The following SH2B3 variants were observed in gnomAD, a reference collection of about 807,000 sequenced individuals.
The protein encoded by SH2B3 is SH2B adapter protein 3.
SH2B3 carries 43 observed loss-of-function variants against 51.9 expected under a neutral mutation model. That is an observed-to-expected ratio of 0.83 (90% CI 0.65 to 1.07). The LOEUF is 1.07. SH2B3 is among the 50% of genes least tolerant of loss of function. The pLI, the probability that SH2B3 is intolerant of heterozygous loss-of-function variation, is 0.00. For synonymous variants in SH2B3, 396 were observed against 376.0 expected, an observed-to-expected ratio of 1.05 and a Z score of -0.62; for missense variants, 952 against 834.3, an observed-to-expected ratio of 1.14 and a Z score of -1.74.
Position 111,447,517 on chromosome 12 carries a change from CACTTTCA to C in SH2B3, c.1217_1223del (p.Asn406ArgfsTer3). Reference sequence around the variant, plus strand: ...AGACGCGGCGTGGGGAATACGTGCTCACTTTCAACTTTCAGGGGATAGCCAAGGTATG... The same window carrying C: ...AGACGCGGCGTGGGGAATACGTGCTCACTTTCAGGGGATAGCCAAGGTATG... On this transcript the variant is annotated frameshift_variant, in exon 6 of 8. Coordinates refer to ENST00000341259, the MANE Select transcript of SH2B3 (RefSeq NM_005475.3). LOFTEE classifies it high-confidence loss of function. 7.0e-7 allele frequency: 1 copy of C among 1,420,668 alleles called. No individual in the cohort carries two copies. The highest frequency in any genetic ancestry group is 9.4e-7 in the Non-Finnish European group (1 of 1,060,502). 88.0% of individuals were successfully genotyped at this position (1,420,668 alleles called of 1,614,324 possible).
Position 111,435,004 on chromosome 12 carries a change from C to G in SH2B3, c.733-11749C>G, listed in dbSNP as rs1007122478. ...CCAGAAGCCCTTGCTCTCACCTCTT[C>G]TTCTGAATCATCGTTCTTCGAAGGC... On this transcript the variant is annotated intron_variant, in intron 2 of 7. Coordinates refer to ENST00000341259, the MANE Select transcript of SH2B3 (RefSeq NM_005475.3). This position sits in a 1 kb window ranked among gnomAD's most constrained non-coding sequence, Gnocchi z 4.8. 1 of 1,535,406 alleles carries G rather than the reference C, an allele frequency of 6.5e-7. No homozygotes were observed. Among genetic ancestry groups the G allele is most frequent in the South Asian group, 1.2e-5 (1 of 84,050 alleles).
At position 111,449,025 on chromosome 12, in the gene SH2B3, G is replaced by A. The variant is rs906878972; in HGVS notation, c.*723G>A. On this transcript the variant is annotated 3_prime_UTR_variant, in exon 8 of 8. Coordinates refer to ENST00000341259, the MANE Select transcript of SH2B3 (RefSeq NM_005475.3). ...ATTTACAGTCTGAGCCAGCATGCTG[G>A]CTTGTCTACTGCATCCTCGGGACAG... 3 of 152,654 alleles carry A rather than the reference G, an allele frequency of 2.0e-5. No individual in the cohort carries two copies. The highest frequency in any genetic ancestry group is 6.5e-5 in the Admixed American group (1 of 15,274). 9.5% of individuals were successfully genotyped at this position (152,654 alleles called of 1,614,324 possible). A position where few individuals can be genotyped will look rare whatever the true frequency, so the allele number is the denominator to read the frequency against.
intron 1 of SH2B3, among the ~76,000 whole-genome samples, chr12:111,416,815 A>G (rs911547535): frequency 2.6e-5 from 4 of 152,300 alleles, no homozygotes; most frequent in African/African-American, 9.6e-5. Flanking sequence ...TTGAACCCAC[A>G]TTCCAGAATC....
Position 111,447,158 on chromosome 12 carries a change from C to T in SH2B3, c.960C>T (p.Pro320=). The change falls in exon 5 of 8, where the codon CCC becomes CCT. Residue 320 remains proline, a synonymous_variant. Transcript: ENST00000341259. The part of the protein sequence containing the change: ...LESTEAEMHI[P]SALEPSTSSS... Reference sequence around the variant, plus strand: ...GCACAGAAGCAGAGATGCATATTCCCTCAGCCCTAGAGCCTAGCACGTCCA... The same window carrying T: ...GCACAGAAGCAGAGATGCATATTCCTTCAGCCCTAGAGCCTAGCACGTCCA... The T allele has an allele frequency of 6.2e-7, 1 of 1,614,106 alleles. No individual in the cohort carries two copies. Among genetic ancestry groups the T allele is most frequent in the Non-Finnish European group, 8.5e-7 (1 of 1,179,946 alleles).
Position 111,434,488 on chromosome 12 carries a change from C to T in SH2B3, c.733-12265C>T, listed in dbSNP as rs569011494. Among the ~76,000 whole-genome samples the T allele has an allele frequency of 2.1e-4, 32 of 152,314 alleles. No homozygotes were observed. The South Asian group carries it at 5.0e-3, about 24-fold the overall frequency. On this transcript the variant is annotated intron_variant, in intron 2 of 7. Transcript: ENST00000341259. ...CTTGATTTGTGAACACTACACGGCACGGATATTAGCTCTGTCCCATGTTGC... is the reference window on the plus strand; with the variant it reads ...CTTGATTTGTGAACACTACACGGCATGGATATTAGCTCTGTCCCATGTTGC...
chr12:111,437,873 G>A (rs757986290), intron 2 of SH2B3, among the ~76,000 whole-genome samples: 8 of 152,142 alleles, frequency 5.3e-5, no homozygotes, highest in South Asian at 2.1e-4. Context: ...CCATCCACCC[G>A]GCAAACCCTC....
chr12:111,433,908 T>G (rs1186243838), intron 2 of SH2B3, among the ~76,000 whole-genome samples: 1 of 152,110 alleles, frequency 6.6e-6, no homozygotes, highest in African/African-American at 2.4e-5. Context: ...GCTACCGGGT[T>G]TAGCCTCAGT....
Position 111,447,660 on chromosome 12 carries a change from T to C in SH2B3, c.1241T>C (p.Leu414Pro), listed in dbSNP as rs2135620953. ...CACCATCCTCTCCTCCCACAGCACCTGCGCCTGTCGCTGACAGAGCGGGGC... is the reference window on the plus strand; with the variant it reads ...CACCATCCTCTCCTCCCACAGCACCCGCGCCTGTCGCTGACAGAGCGGGGC... ...TFNFQGIAKH[L>P]RLSLTERGQC... The change falls in exon 7 of 8, where the codon CTG becomes CCG. Residue 414 changes from leucine to proline, a missense_variant. Leu to Pro is a moderately conservative substitution (Grantham distance 98, BLOSUM62 -3). Transcript: ENST00000341259. 1.2e-6 allele frequency: 2 copies of C among 1,611,730 alleles called. No homozygotes were observed. Among genetic ancestry groups the C allele is most frequent in the Non-Finnish European group, 1.7e-6 (2 of 1,178,442 alleles).
At chr12:111,424,620 C>T (rs926081837) in intron 2 of SH2B3, among the ~76,000 whole-genome samples, 2 of 152,032 alleles carry the variant, frequency 1.3e-5, no homozygotes, top group African/African-American at 4.8e-5. Flanking sequence ...GTGGTTGCTG[C>T]GGGGCCTGGG....
At chr12:111,408,084 A>G (rs576916462) in intron 1 of SH2B3, among the ~76,000 whole-genome samples, 2 of 152,268 alleles carry the variant, frequency 1.3e-5, no homozygotes, top group South Asian at 4.1e-4. Flanking sequence ...ATTGGCTATG[A>G]GGTGTTCCTT....
intron 2 of SH2B3, among the ~76,000 whole-genome samples, chr12:111,430,223 C>T (rs1354943917): frequency 6.6e-6 from 1 of 152,214 alleles, no homozygotes; most frequent in Non-Finnish European, 1.5e-5. Context: ...CCTGCGGCCC[C>T]AGCCACACAC....
intron 1 of SH2B3, among the ~76,000 whole-genome samples, chr12:111,408,938 AT>A (rs1405691122): frequency 6.6e-6 from 1 of 152,228 alleles, no homozygotes; most frequent in East Asian, 1.9e-4. Context: ...CTGGCACTCA[AT>A]TAACAATAGT....
chr12:111,431,705 C>T (rs961737835), intron 2 of SH2B3, among the ~76,000 whole-genome samples: 4 of 152,152 alleles, frequency 2.6e-5, no homozygotes, highest in African/African-American at 9.7e-5. Flanking sequence ...ACCTTAGCCT[C>T]CCAAGTAGCT....
rs1014991367 is a variant in SH2B3 at position 111,418,438 on chromosome 12, C to A, written c.293C>A (p.Ala98Asp). 1.3e-5 allele frequency: 19 copies of A among 1,445,820 alleles called. No homozygotes were observed. In the Middle Eastern group the frequency reaches 1.2e-3, roughly 93 times the overall value. The allele number at this position is 1,445,820 out of a possible 1,614,324, so 89.6% of individuals were successfully genotyped here. Residue 98 changes from alanine (A) to aspartate (D), a missense_variant, in exon 2 of 8, where the codon GCC (alanine) becomes GAC (aspartate). By Grantham distance (126) the Ala-to-Asp change is moderately radical. Transcript: ENST00000341259. This position sits in a 1 kb window ranked among gnomAD's most constrained non-coding sequence, Gnocchi z 6.7. ...CGGGACACAGGCCGTGGGCCCCCAG[C>A]CAAGGCCGAGGCGTCCCCGGAGCCA... ...DYRDTGRGPP[A>D]KAEASPEPGP... is the part of the protein sequence containing the mutation.
intron 1 of SH2B3, among the ~76,000 whole-genome samples, chr12:111,411,517 C>G (rs1395963948): frequency 6.6e-6 from 1 of 152,172 alleles, no homozygotes; most frequent in Non-Finnish European, 1.5e-5. Context: ...CTGAGAAGCC[C>G]TGATCTCAGC....
At chr12:111,424,044 G>A (rs1469767231) in intron 2 of SH2B3, among the ~76,000 whole-genome samples, 1 of 152,192 alleles carries the variant, frequency 6.6e-6, no homozygotes, top group Non-Finnish European at 1.5e-5. Flanking sequence ...CCCAGGAGGC[G>A]GAGGTTGCAG....
chr12:111,424,482 T>C (rs1443233304), intron 2 of SH2B3, among the ~76,000 whole-genome samples: 1 of 152,164 alleles, frequency 6.6e-6, no homozygotes, highest in East Asian at 1.9e-4. Context: ...CCAAGACTCC[T>C]GTTCTCTGGG....
At chr12:111,415,189 G>A (rs1870989826) in intron 1 of SH2B3, among the ~76,000 whole-genome samples, 1 of 152,244 alleles carries the variant, frequency 6.6e-6, no homozygotes, top group Non-Finnish European at 1.5e-5. Context: ...TCACTGGAGT[G>A]GCACTGCTGT....
rs987486754 is a variant in SH2B3, at chr12:111,448,232, C to T, written c.1658C>T (p.Ser553Leu). The T allele has an allele frequency of 6.8e-6, 11 of 1,614,162 alleles. No individual in the cohort carries two copies. The highest frequency in any genetic ancestry group is 1.7e-5 in the Admixed American group (1 of 60,024). The change falls in exon 8 of 8, where the codon TCG becomes TTG. Residue 553 changes from serine to leucine, a missense_variant. Transcript: ENST00000341259. Reference sequence around the variant, plus strand: ...GAGCCTGTGAATCGAGCCCGGGACTCGGACTACGAAATGGACTCATCCTCC... The same window carrying T: ...GAGCCTGTGAATCGAGCCCGGGACTTGGACTACGAAATGGACTCATCCTCC... ...EHEPVNRARD[S>L]DYEMDSSSRS...
Sources: gnomAD v4.1 joint callset for allele counts (sites outside exome capture counted in the v4.1 genomes callset) on GRCh38, gnomAD v4.1.1 for gene constraint, Gnocchi (gnomAD v3.1) non-coding constraint, MANE v1.5 for transcripts, NCBI Gene and HGNC (gene_info 2026-07-23, HGNC 2026-07-21) for gene names.